The following ZNF83 variants were observed in gnomAD, a reference collection of about 807,000 sequenced individuals.
ZNF83 encodes zinc finger protein 816B.
For missense variants in ZNF83, 552 were observed against 629.9 expected (o/e 0.88, Z 1.32); for synonymous variants, 209 against 213.0 (o/e 0.98, Z 0.17).
At chr19:52,652,154 C>T in intron 3 of ZNF83, 2 of 223,858 alleles carry the variant, frequency 8.9e-6, no homozygotes, top group Admixed American at 5.4e-5. Flanking sequence ...AAAGACATTG[C>T]CACACTGGGC....
chr19:52,628,318 C>T (rs547001342), intron 2 of ZNF83, among the ~76,000 whole-genome samples: 207 of 152,290 alleles, frequency 1.4e-3, no homozygotes, highest in African/African-American at 4.8e-3. Flanking sequence ...GCCCAAGAAA[C>T]ATCTCACCAA....
intron 1 of ZNF83, among the ~76,000 whole-genome samples, chr19:52,664,032 G>A (rs1264505986): frequency 6.6e-6 from 1 of 152,190 alleles, no homozygotes; most frequent in East Asian, 1.9e-4. Flanking sequence ...TTACAGGCAA[G>A]CATCACCATG....
intron 3 of ZNF83, among the ~76,000 whole-genome samples, chr19:52,645,427 GA>G (rs1198261458): frequency 1.3e-5 from 2 of 152,036 alleles, no homozygotes; most frequent in African/African-American, 4.8e-5. Context: ...TACATGTACA[GA>G]AAAAAATGAT....
chr19:52,687,616 G>GTATATATATATA lies in ZNF83; in HGVS notation c.-283+2815_-283+2826dup, dbSNP rs1427281800. Among the ~76,000 whole-genome samples the GTATATATATATA allele has an allele frequency of 3.2e-4, 5 of 15,816 alleles. 1 individual carries two copies. Among genetic ancestry groups the GTATATATATATA allele is most frequent in the African/African-American group, 1.4e-3 (3 of 2,186 alleles). The allele number at this position is 15,816 out of a possible 152,430, so 10.4% of individuals were successfully genotyped here. A position where few individuals can be genotyped will look rare whatever the true frequency, so the allele number is the denominator to read the frequency against. On this transcript the variant is annotated intron_variant, in intron 1 of 5. Transcript: ENST00000594682. ...TATATAATGTATATATATATAATGTGTATATATATATATAATGTATATATA... is the reference window on the plus strand; with the variant it reads ...TATATAATGTATATATATATAATGTGTATATATATATATATATATATATATAATGTATATATA...
intron 1 of ZNF83, among the ~76,000 whole-genome samples, chr19:52,637,604 T>C (rs1181680037): frequency 6.6e-6 from 1 of 152,186 alleles, no homozygotes; most frequent in Admixed American, 6.5e-5. Context: ...TTATGGGTCT[T>C]TCTCATTCTT....
intron 3 of ZNF83, among the ~76,000 whole-genome samples, chr19:52,643,456 CGTTGGGAGGCTGAG>C (rs143598255): frequency 0.4 from 61,297 of 151,472 alleles, 13,200 homozygotes; most frequent in East Asian, 0.71. Context: ...AATCCTAGCA[CGTTGGGAGGCTGAG>C]GTGGGTGGAT....
At chr19:52,658,917 T>A (rs1447764027) in intron 2 of ZNF83, among the ~76,000 whole-genome samples, 1 of 152,168 alleles carries the variant, frequency 6.6e-6, no homozygotes, top group Non-Finnish European at 1.5e-5. Context: ...CTCAAGTGTG[T>A]TTACTCAAAC....
chr19:52,649,401 A>C (rs1036446584), intron 3 of ZNF83, among the ~76,000 whole-genome samples: 1 of 152,164 alleles, frequency 6.6e-6, no homozygotes, highest in African/African-American at 2.4e-5. Context: ...GGAGTATTAT[A>C]TATAAGGCAG....
chr19:52,646,170 C>T (rs1473959487), intron 3 of ZNF83, among the ~76,000 whole-genome samples: 12 of 152,092 alleles, frequency 7.9e-5, no homozygotes, highest in Admixed American at 7.2e-4. Flanking sequence ...AAACTCCTGA[C>T]CTTAGGTGAC....
Position 52,687,446 on chromosome 19 carries a change from AAAT to A in ZNF83, c.-283+2994_-283+2996del, listed in dbSNP as rs1164356904. Among the ~76,000 whole-genome samples the A allele has an allele frequency of 4.4e-4, 27 of 60,722 alleles. 9 individuals are homozygous for A. The highest frequency in any genetic ancestry group is 2.4e-3 in the African/African-American group (27 of 11,092). The allele number at this position is 60,722 out of a possible 152,430, so 39.8% of individuals were successfully genotyped here. On this transcript the variant is annotated intron_variant, in intron 1 of 5. Transcript: ENST00000594682. ...TAAATTATAATTTATATAGCTATAT[AAAT>A]TATAATATAAATTATAATTTATATA...
At chr19:52,685,248 C>G (rs1002643674) in intron 1 of ZNF83, among the ~76,000 whole-genome samples, 4 of 152,102 alleles carry the variant, frequency 2.6e-5, no homozygotes, top group Non-Finnish European at 4.4e-5. Context: ...GTTGCAGGGA[C>G]GCTCACTGGG....
At chr19:52,640,232 G>C (rs1285867433), upstream of ZNF83, among the ~76,000 whole-genome samples, 1 of 152,200 alleles carries the variant, frequency 6.6e-6, no homozygotes, top group African/African-American at 2.4e-5. Context: ...ATTAAGTACT[G>C]AGTTTATGTG....
chr19:52,646,370 C>T (rs185874533), intron 3 of ZNF83, among the ~76,000 whole-genome samples: 72 of 152,058 alleles, frequency 4.7e-4, no homozygotes, highest in Admixed American at 1.1e-3. Flanking sequence ...CAGTGAAATC[C>T]CATTTCTCCA....
intron 3 of ZNF83, chr19:52,652,039 T>C: frequency 4.3e-6 from 1 of 232,512 alleles, no homozygotes. Flanking sequence ...TCTACTGTTC[T>C]GCAAGGAGTG....
At chr19:52,642,198 T>A (rs329952), upstream of ZNF83, among the ~76,000 whole-genome samples, 77,458 of 149,594 alleles carry the variant, frequency 0.52, 20,810 homozygotes, top group East Asian at 0.71. Flanking sequence ...CAGGGTAAAA[T>A]TCAACAGAAC....
intron 1 of ZNF83, among the ~76,000 whole-genome samples, chr19:52,669,623 T>C (rs183429620): frequency 2.0e-5 from 3 of 152,340 alleles, no homozygotes; most frequent in South Asian, 2.1e-4. Flanking sequence ...CATTGCAAGG[T>C]CTGACTGCTC....
At chr19:52,649,555 G>A (rs1485989326) in intron 3 of ZNF83, among the ~76,000 whole-genome samples, 1 of 152,076 alleles carries the variant, frequency 6.6e-6, no homozygotes, top group African/African-American at 2.4e-5. Context: ...AAGATATAAG[G>A]GAAATGATAA....
intron 1 of ZNF83, among the ~76,000 whole-genome samples, chr19:52,687,633 G>GTATATATATATATATATATATATAATA (rs2062065866): frequency 3.6e-5 from 1 of 27,846 alleles, no homozygotes; most frequent in Non-Finnish European, 5.6e-5. Context: ...TATATATAAT[G>GTATATATATATATATATATATATAATA]TATATATATA....
At chr19:52,642,052 C>G (rs1328150724), upstream of ZNF83, among the ~76,000 whole-genome samples, 2 of 151,966 alleles carry the variant, frequency 1.3e-5, 1 homozygote, top group African/African-American at 4.8e-5. Flanking sequence ...GTCACTTATG[C>G]CTTAATCTGG....
Sources: allele counts gnomAD v4.1 joint callset (sites outside exome capture counted in the v4.1 genomes callset), GRCh38; gene constraint gnomAD v4.1.1; transcripts MANE v1.5; gene names NCBI Gene and HGNC (gene_info 2026-07-23, HGNC 2026-07-21).